Variants in STAG1 observed in about 807,000 individuals in gnomAD.
The protein encoded by STAG1 is cohesin subunit SA-1.
Under a neutral mutation model 170.9 loss-of-function variants are expected in STAG1, and 26 were observed. The ratio of observed to expected loss-of-function variants is 0.15; its 90% CI spans 0.11 to 0.21. STAG1 has a LOEUF of 0.21. Ranked by LOEUF, STAG1 falls within the 10% of genes least tolerant of loss-of-function variation. STAG1 has a pLI of 1.00. For synonymous variants in STAG1, 514 were observed against 497.7 expected, an observed-to-expected ratio of 1.03 and a Z score of -0.44; for missense variants, 964 against 1,509.5, an observed-to-expected ratio of 0.64 and a Z score of 5.99.
intron 3 of STAG1, among the ~76,000 whole-genome samples, chr3:136,613,077 CG>C (rs1469063537): frequency 1.3e-5 from 2 of 151,750 alleles, no homozygotes; most frequent in Admixed American, 1.3e-4. Context: ...CCGAGGTGGG[CG>C]GATCACGAGG....
In STAG1 at chr3:136,574,343, T is replaced by TACACAC. The variant is rs144809759; in HGVS notation, c.298-5488_298-5483dup. Among the ~76,000 whole-genome samples the TACACAC allele has an allele frequency of 5.4e-5, 8 of 148,962 alleles. No homozygotes were observed. In the South Asian group the frequency reaches 6.4e-4, roughly 12 times the overall value. On this transcript the variant is annotated intron_variant, in intron 4 of 33. Coordinates refer to ENST00000383202, the MANE Select transcript of STAG1 (RefSeq NM_005862.3). ...GGATATATATGTATGTGTGTGTGTATACACACACACACACACACACACGCA... is the reference window on the plus strand; with the variant it reads ...GGATATATATGTATGTGTGTGTGTATACACACACACACACACACACACACACACGCA...
At chr3:136,699,370 GA>G (rs1448378191) in intron 1 of STAG1, among the ~76,000 whole-genome samples, 7 of 151,942 alleles carry the variant, frequency 4.6e-5, no homozygotes, top group Admixed American at 4.6e-4. Flanking sequence ...ACTATCTCTA[GA>G]ATTAGTCAAC....
rs997957890 is a variant in STAG1, at chr3:136,341,442, C to T, written c.3556G>A (p.Val1186Ile). The T allele has an allele frequency of 5.6e-6, 9 of 1,595,210 alleles. No individual in the cohort carries two copies. Among genetic ancestry groups the T allele is most frequent in the Non-Finnish European group, 7.7e-6 (9 of 1,163,226 alleles). Residue 1186 changes from valine to isoleucine, a missense_variant and splice_region_variant, in exon 31 of 34, where the codon GTT becomes ATT. Val to Ile is a conservative substitution (Grantham distance 29, BLOSUM62 3). Transcript: ENST00000383202. ...MKVRTGVRHAVRGLMEEDAEP... is the reference protein window; with the variant it reads ...MKVRTGVRHAIRGLMEEDAEP... ...TGTGATACTCCATGTAACACTTACA[C>T]AGCATGCCTCACTCCAGTTCTCACT...
At chr3:136,583,411 T>A (rs961993210) in intron 4 of STAG1, among the ~76,000 whole-genome samples, 1 of 152,186 alleles carries the variant, frequency 6.6e-6, no homozygotes, top group African/African-American at 2.4e-5. Context: ...TGAATTTTTT[T>A]AATGTTATCA....
chr3:136,384,955 C>T (rs2086831527), intron 22 of STAG1, among the ~76,000 whole-genome samples: 2 of 152,002 alleles, frequency 1.3e-5, no homozygotes, highest in African/African-American at 2.4e-5. Context: ...TCCACAAATC[C>T]CCTTTCTAGT....
intron 4 of STAG1, 152 bp from the exon 5 acceptor site, chr3:136,569,013 G>C: frequency 8.4e-6 from 5 of 598,258 alleles, no homozygotes; most frequent in Non-Finnish European, 1.5e-5. Context: ...AATAAAAGTA[G>C]AGACTCCCTT....
chr3:136,538,421 TTTTTTTC>T (rs901481896), intron 6 of STAG1, among the ~76,000 whole-genome samples: 3 of 151,220 alleles, frequency 2.0e-5, no homozygotes, highest in Non-Finnish European at 3.0e-5. Context: ...TACTTTTTTT[TTTTTTTC>T]TTTTTTGAGA....
intron 5 of STAG1, among the ~76,000 whole-genome samples, chr3:136,555,914 T>G (rs916779373): frequency 6.7e-6 from 1 of 150,342 alleles, no homozygotes; most frequent in Non-Finnish European, 1.5e-5. Context: ...AAACCCAAAA[T>G]GGAAAGAATG....
At chr3:136,554,897 G>A (rs76948778) in intron 5 of STAG1, among the ~76,000 whole-genome samples, 2,601 of 150,628 alleles carry the variant, frequency 0.017, 82 homozygotes, top group African/African-American at 0.06. Context: ...AAAAATAACC[G>A]AAAAAATAAA....
chr3:136,684,460 C>A (rs1011999862), intron 1 of STAG1, among the ~76,000 whole-genome samples: 2 of 152,040 alleles, frequency 1.3e-5, no homozygotes, highest in Admixed American at 6.6e-5. Context: ...CAGTGCTGGA[C>A]CCAAACAGGC....
chr3:136,436,114 C>G (rs2088453631), intron 15 of STAG1, among the ~76,000 whole-genome samples: 1 of 151,974 alleles, frequency 6.6e-6, no homozygotes. Context: ...TGCCACCACA[C>G]CCGGCTAATT....
intron 4 of STAG1, among the ~76,000 whole-genome samples, chr3:136,579,116 A>G (rs553494944): frequency 6.6e-6 from 1 of 152,304 alleles, no homozygotes; most frequent in African/African-American, 2.4e-5. Flanking sequence ...AAGAATGACT[A>G]TGGACTATAA....
chr3:136,340,579 T>C lies in STAG1; in HGVS notation c.3584A>G (p.Glu1195Gly). Residue 1195 changes from glutamate to glycine, a missense_variant, in exon 32 of 34, where the codon GAG becomes GGG. Around this residue, in one of 11 missense-constraint regions of STAG1, gnomAD observed 59 missense variants for 104.2 expected, o/e 0.57. Coordinates refer to ENST00000383202, the MANE Select transcript of STAG1 (RefSeq NM_005862.3). ...AVRGLMEEDAEPIFEDVMMSS... is the reference protein window; with the variant it reads ...AVRGLMEEDAGPIFEDVMMSS... ...CATCATCACATCTTCAAAGATGGGC[T>C]CAGCATCTTCCTCCATTAGACCCCG... is the stretch of plus-strand genomic sequence containing the variant. The C allele has an allele frequency of 6.2e-7, 1 of 1,613,438 alleles. No homozygotes were observed. The highest frequency in any genetic ancestry group is 8.5e-7 in the Non-Finnish European group (1 of 1,179,306).
At position 136,605,712 on chromosome 3, in the gene STAG1, T is replaced by G. The variant is rs975892200; in HGVS notation, c.133-1239A>C. Among the ~76,000 whole-genome samples, 41 of 152,246 alleles carry G rather than the reference T, an allele frequency of 2.7e-4. 2 individuals carry two copies. Among genetic ancestry groups the G allele is most frequent in the Non-Finnish European group, 1.5e-5 (1 of 68,048 alleles). On this transcript the variant is annotated intron_variant, in intron 3 of 33. Coordinates refer to ENST00000383202, the MANE Select transcript of STAG1 (RefSeq NM_005862.3). The stretch of plus-strand genomic sequence containing the variant: ...GGTCTCTCATCTCCAATGAGATAAG[T>G]GTCTCCAATGAGAGACAATAAATTG...
chr3:136,447,131 A>G (rs1309861412), intron 14 of STAG1, among the ~76,000 whole-genome samples: 2 of 151,892 alleles, frequency 1.3e-5, no homozygotes, highest in Non-Finnish European at 2.9e-5. Context: ...AAAAATATCG[A>G]TAAGAAGCTG....
chr3:136,342,671 G>T (rs1158718554), intron 30 of STAG1, among the ~76,000 whole-genome samples: 2 of 152,264 alleles, frequency 1.3e-5, no homozygotes, highest in African/African-American at 2.4e-5. Flanking sequence ...AACTTTAGTG[G>T]TTTTTTAGCC....
At chr3:136,469,670 T>A (rs1292406168) in intron 12 of STAG1, among the ~76,000 whole-genome samples, 1 of 152,222 alleles carries the variant, frequency 6.6e-6, no homozygotes. Context: ...AGAGCTTGCA[T>A]TGCCAAGACA....
intron 1 of STAG1, among the ~76,000 whole-genome samples, chr3:136,746,951 T>C (rs1934964372): frequency 6.6e-6 from 1 of 151,640 alleles, no homozygotes; most frequent in South Asian, 2.1e-4. Flanking sequence ...ACAAAATTAG[T>C]TGGGTGTGGT....
chr3:136,388,944 A>G (rs567048333), intron 22 of STAG1, among the ~76,000 whole-genome samples: 33 of 152,146 alleles, frequency 2.2e-4, no homozygotes, highest in Non-Finnish European at 3.8e-4. Context: ...TTTTGTCTAA[A>G]TATTCTTTTT....
Sources: gnomAD v4.1 joint callset for allele counts (sites outside exome capture counted in the v4.1 genomes callset) on GRCh38, gnomAD v4.1.1 for gene constraint, gnomAD v4.1.1 regional missense constraint, MANE v1.5 for transcripts, NCBI Gene and HGNC (gene_info 2026-07-23, HGNC 2026-07-21) for gene names.